Variants in ASTN2 observed in about 807,000 individuals in gnomAD.
The protein encoded by ASTN2 is astrotactin-2.
A neutral mutation model predicts 139.8 loss-of-function variants in ASTN2; 54 were observed. That is an observed-to-expected ratio of 0.39 (90% CI 0.31 to 0.48). ASTN2 has a LOEUF of 0.48. Among genes scored for constraint, ASTN2 ranks in the 20% least tolerant of loss-of-function variants. The pLI is 0.95. For missense variants in ASTN2, 1,565 were observed against 1,725.1 expected (o/e 0.91, Z 1.64); for synonymous variants, 756 against 719.5 (o/e 1.05, Z -0.81).
intron 19 of ASTN2, among the ~76,000 whole-genome samples, chr9:116,496,520 T>C (rs951691281): frequency 5.9e-5 from 9 of 152,122 alleles, no homozygotes; most frequent in African/African-American, 2.2e-4. Context: ...CTACTGTACA[T>C]GATGGGACCT....
At chr9:116,622,505 A>G (rs1025999343) in intron 17 of ASTN2, among the ~76,000 whole-genome samples, 1 of 152,238 alleles carries the variant, frequency 6.6e-6, no homozygotes, top group South Asian at 2.1e-4. Context: ...TGAGACACAG[A>G]TATTACGATC....
chr9:117,132,114 T>C (rs1473940075), intron 4 of ASTN2, among the ~76,000 whole-genome samples: 2 of 152,108 alleles, frequency 1.3e-5, no homozygotes, highest in African/African-American at 4.8e-5. Flanking sequence ...TACAAGCAGA[T>C]TGGATCAGAC....
intron 16 of ASTN2, among the ~76,000 whole-genome samples, chr9:116,678,293 A>G (rs1415448433): frequency 1.3e-5 from 2 of 152,202 alleles, no homozygotes; most frequent in African/African-American, 4.8e-5. Context: ...AACATCTACA[A>G]TAAAAAGAGT....
chr9:117,327,199 C>T (rs993530210), intron 1 of ASTN2, among the ~76,000 whole-genome samples: 6 of 152,152 alleles, frequency 3.9e-5, no homozygotes, highest in African/African-American at 1.2e-4. Context: ...GCTCGCTGCC[C>T]ACTGCTCACC....
At position 116,849,328 on chromosome 9, in the gene ASTN2, C is replaced by T. The variant is rs192575722; in HGVS notation, c.2040+14255G>A. Among the ~76,000 whole-genome samples the T allele has an allele frequency of 8.5e-5, 13 of 152,246 alleles. No homozygotes were observed. In the East Asian group the frequency reaches 2.3e-3, roughly 27 times the overall value. On this transcript the variant is annotated intron_variant, in intron 11 of 22. Coordinates refer to ENST00000313400, the MANE Select transcript of ASTN2 (RefSeq NM_001365068.1). ...AGAGGTTGGGGGTGGGGCTAAAAGT[C>T]CCAACCCTCTAATCTTGTCTTGGCC... is the stretch of plus-strand genomic sequence containing the variant.
intron 20 of ASTN2, among the ~76,000 whole-genome samples, chr9:116,443,770 C>T (rs1224980998): frequency 1.3e-5 from 2 of 152,128 alleles, no homozygotes; most frequent in Admixed American, 1.3e-4. Flanking sequence ...TTTTCACCAG[C>T]TTTTAAGGGT....
In ASTN2 at chr9:116,425,878, G is replaced by T. The variant is rs1427730573; in HGVS notation, c.3993C>A (p.Asn1331Lys). The change falls in exon 23 of 23, where the codon AAC becomes AAA. Residue 1331 changes from asparagine (N) to lysine (K), a missense_variant. Asn to Lys is a moderately conservative substitution (Grantham distance 94). Transcript: ENST00000313400. ...ACCGGCCCTTGGACTCCCCGTACGT[G>T]TTTCGGGCCATTGACACCATCTTCT... ...CEEKMVSMAR[N>K]TYGESKGR 6.2e-7 allele frequency: 1 copy of T among 1,614,124 alleles called. No homozygotes were observed. Among genetic ancestry groups the T allele is most frequent in the Admixed American group, 1.7e-5 (1 of 60,024 alleles).
chr9:116,918,125 C>T (rs537896062), intron 10 of ASTN2, among the ~76,000 whole-genome samples: 1 of 152,250 alleles, frequency 6.6e-6, no homozygotes, highest in South Asian at 2.1e-4. Context: ...CTGATGCCTC[C>T]CCAGCCATGT....
chr9:117,051,903 T>C (rs192529088), intron 5 of ASTN2, among the ~76,000 whole-genome samples: 9 of 152,188 alleles, frequency 5.9e-5, no homozygotes, highest in Admixed American at 2.0e-4. Flanking sequence ...TTTCCTACCT[T>C]AACCAATACC....
intron 6 of ASTN2, among the ~76,000 whole-genome samples, chr9:117,034,752 C>T (rs1288899687): frequency 6.6e-6 from 1 of 152,134 alleles, no homozygotes; most frequent in Non-Finnish European, 1.5e-5. Flanking sequence ...ATAAACAACA[C>T]TAGCTTAAGT....
intron 19 of ASTN2, among the ~76,000 whole-genome samples, chr9:116,501,711 G>A (rs1849860022): frequency 6.6e-6 from 1 of 151,934 alleles, no homozygotes; most frequent in South Asian, 2.1e-4. Flanking sequence ...GTGGGGTGGG[G>A]GCAGGGGGGA....
chr9:116,892,647 C>G (rs1388211406), intron 10 of ASTN2, among the ~76,000 whole-genome samples: 1 of 151,718 alleles, frequency 6.6e-6, no homozygotes, highest in Non-Finnish European at 1.5e-5. Context: ...TGGACAACAT[C>G]GAAAAGTAAA....
chr9:116,673,038 C>A (rs1859292486), intron 16 of ASTN2, among the ~76,000 whole-genome samples: 1 of 152,206 alleles, frequency 6.6e-6, no homozygotes, highest in Admixed American at 6.5e-5. Flanking sequence ...CAGGAAATAT[C>A]CTCTCCATAG....
intron 10 of ASTN2, among the ~76,000 whole-genome samples, chr9:116,894,395 A>G (rs1397096550): frequency 6.6e-6 from 1 of 152,260 alleles, no homozygotes; most frequent in Non-Finnish European, 1.5e-5. Flanking sequence ...ACATAAAGAT[A>G]GGAGCCAGTA....
chr9:117,268,332 T>G (rs1207797942), intron 2 of ASTN2, among the ~76,000 whole-genome samples: 3 of 152,232 alleles, frequency 2.0e-5, no homozygotes, highest in Non-Finnish European at 4.4e-5. Context: ...ATGGGATAAA[T>G]CCCTGACCCC....
At chr9:117,218,475 C>T (rs1311155659) in intron 2 of ASTN2, among the ~76,000 whole-genome samples, 1 of 152,204 alleles carries the variant, frequency 6.6e-6, no homozygotes, top group African/African-American at 2.4e-5. Flanking sequence ...CCACTGACTA[C>T]TGAAACAGAC....
intron 2 of ASTN2, among the ~76,000 whole-genome samples, chr9:117,265,746 A>T (rs1833925853): frequency 6.6e-6 from 1 of 152,136 alleles, no homozygotes; most frequent in Non-Finnish European, 1.5e-5. Context: ...CACTCCACTG[A>T]TGCAAGTAGT....
In ASTN2 at chr9:116,565,388, C is replaced by CTATATAT. The variant is rs1564120372; in HGVS notation, c.3355+52935_3355+52936insATATATA. Among the ~76,000 whole-genome samples the CTATATAT allele has an allele frequency of 1.5e-4, 5 of 34,022 alleles. No homozygotes were observed. In the South Asian group the frequency reaches 5.7e-3, roughly 39 times the overall value. The allele number at this position is 34,022 out of a possible 152,430, so 22.3% of individuals were successfully genotyped here. On this transcript the variant is annotated intron_variant, in intron 19 of 22. Coordinates refer to ENST00000313400, the MANE Select transcript of ASTN2 (RefSeq NM_001365068.1). ...CTCTCTCTCTCTCTCTCTCTCTCTC[C>CTATATAT]ATATATATATATATATATATATATA...
At chr9:116,871,599 A>G (rs1469042687) in intron 10 of ASTN2, among the ~76,000 whole-genome samples, 3 of 152,204 alleles carry the variant, frequency 2.0e-5, no homozygotes, top group East Asian at 1.9e-4. Flanking sequence ...TTCAGTTAGC[A>G]TAGTGTTTTC....
Sources: gnomAD v4.1 joint callset for allele counts (sites outside exome capture counted in the v4.1 genomes callset) on GRCh38, gnomAD v4.1.1 for gene constraint, MANE v1.5 for transcripts, NCBI Gene and HGNC (gene_info 2026-07-23, HGNC 2026-07-21) for gene names.